The following WDR37 variants were observed in gnomAD, a reference collection of about 807,000 sequenced individuals.
WDR37 encodes WD repeat domain 37, also known as WD repeat-containing protein 37.
Under a neutral mutation model 62.9 loss-of-function variants are expected in WDR37, and 19 were observed. The ratio of observed to expected loss-of-function variants is 0.30; its 90% CI spans 0.21 to 0.44. The LOEUF is 0.44. Ranked by LOEUF, WDR37 falls within the 20% of genes least tolerant of loss-of-function variation. The pLI is 1.00. For missense variants in WDR37, 474 were observed against 657.6 expected, an observed-to-expected ratio of 0.72 and a Z score of 3.05; for synonymous variants, 250 against 260.9, an observed-to-expected ratio of 0.96 and a Z score of 0.40.
intron 7 of WDR37, among the ~76,000 whole-genome samples, chr10:1,091,776 C>G (rs1937156758): frequency 6.6e-6 from 1 of 152,206 alleles, no homozygotes; most frequent in Admixed American, 6.5e-5. Flanking sequence ...TCAATGCTGG[C>G]ATTTATGTGC....
chr10:1,111,547 A>G (rs571904535), intron 11 of WDR37, among the ~76,000 whole-genome samples: 58 of 152,274 alleles, frequency 3.8e-4, no homozygotes, highest in Middle Eastern at 3.4e-3. Context: ...CTGGATGGGG[A>G]TGGAGCTCCG....
At chr10:1,096,529 C>T (rs189383573) in intron 9 of WDR37, 70 of 431,306 alleles carry the variant, frequency 1.6e-4, no homozygotes, top group African/African-American at 7.8e-4. Flanking sequence ...AGCCAGAGGG[C>T]GGCCGTCTTT....
intron 8 of WDR37, among the ~76,000 whole-genome samples, chr10:1,093,898 T>C (rs1009038988): frequency 2.0e-5 from 3 of 152,244 alleles, no homozygotes; most frequent in Non-Finnish European, 2.9e-5. Flanking sequence ...AAGTTGCCAA[T>C]GTCAGCATTT....
intron 11 of WDR37, among the ~76,000 whole-genome samples, chr10:1,115,619 T>A (rs1835365513): frequency 6.6e-6 from 1 of 152,262 alleles, no homozygotes; most frequent in Non-Finnish European, 1.5e-5. Flanking sequence ...TTGGTCACAG[T>A]CAGCATGCAG....
rs575211379 is a variant in WDR37, at chr10:1,124,290, C to T, written c.1176C>T (p.Val392=). 137 of 1,614,196 alleles carry T rather than the reference C, an allele frequency of 8.5e-5. No individual in the cohort carries two copies. The highest frequency in any genetic ancestry group is 1.9e-4 in the South Asian group (17 of 91,088). Residue 392 remains valine (V), a synonymous_variant, in exon 12 of 14, where the codon GTC becomes GTT. Coordinates refer to ENST00000263150, the MANE Select transcript of WDR37 (RefSeq NM_014023.4). Reference sequence around the variant, plus strand: ...GCAGCGATGACCGCACGGTGAAAGTCTGGGACTTGAAAAATATGAGATCCC... The same window carrying T: ...GCAGCGATGACCGCACGGTGAAAGTTTGGGACTTGAAAAATATGAGATCCC... ...VSGSDDRTVK[V]WDLKNMRSPI...
rs760759863 is a variant in WDR37 at position 1,096,162 on chromosome 10, C to T, written c.650-8C>T. On this transcript the variant is annotated splice_polypyrimidine_tract_variant and splice_region_variant and intron_variant, in intron 8 of 13. Transcript: ENST00000263150. ...CCTTGGGTAATTTTCCCCGATTTCT[C>T]TCTTCAGCTTCTGGAGATCAGACTG... 18 of 1,613,968 alleles carry T rather than the reference C, an allele frequency of 1.1e-5. No individual in the cohort carries two copies. The highest frequency in any genetic ancestry group is 2.2e-5 in the East Asian group (1 of 44,894).
At chr10:1,069,323 T>C (rs1236880598) in intron 1 of WDR37, among the ~76,000 whole-genome samples, 1 of 146,930 alleles carries the variant, frequency 6.8e-6, no homozygotes, top group Non-Finnish European at 1.5e-5. Flanking sequence ...ACCCTGTATA[T>C]TATTGTTCAT....
chr10:1,107,060 G>A (rs1429251736), intron 11 of WDR37, among the ~76,000 whole-genome samples: 1 of 152,180 alleles, frequency 6.6e-6, no homozygotes, highest in Non-Finnish European at 1.5e-5. Flanking sequence ...GCTGAACGCA[G>A]CACTGTGTTG....
chr10:1,105,175 C>T lies in WDR37; in HGVS notation c.1011C>T (p.Leu337=), dbSNP rs936720148. 10 of 1,614,116 alleles carry T rather than the reference C, an allele frequency of 6.2e-6. No homozygotes were observed. The East Asian group carries it at 1.6e-4, about 25-fold the overall frequency. Residue 337 remains leucine, a synonymous_variant, in exon 11 of 14, where the codon CTC becomes CTT. Coordinates refer to ENST00000263150, the MANE Select transcript of WDR37 (RefSeq NM_014023.4). The surrounding 1 kb of genome is among the most constrained non-coding windows in gnomAD (Gnocchi z 5.3). ...GCTGCACACACCCCACCCAGCGGCT[C>T]GTGGTGACCTCCTCCCGTGACACGA... The part of the protein sequence containing the change: ...THCCTHPTQR[L]VVTSSRDTTF...
intron 11 of WDR37, among the ~76,000 whole-genome samples, chr10:1,111,899 C>T (rs1382001343): frequency 1.4e-5 from 2 of 148,012 alleles, no homozygotes; most frequent in Non-Finnish European, 3.0e-5. Context: ...CTATTTCTCT[C>T]TCTCTCTTTT....
chr10:1,116,294 A>G (rs1195988272), intron 11 of WDR37, among the ~76,000 whole-genome samples: 1 of 141,754 alleles, frequency 7.1e-6, no homozygotes, highest in African/African-American at 2.7e-5. Flanking sequence ...GGTCTCTGCC[A>G]TGTCTCTCAG....
chr10:1,059,680 C>G (rs1833311026), intron 1 of WDR37, among the ~76,000 whole-genome samples: 1 of 151,768 alleles, frequency 6.6e-6, no homozygotes, highest in Admixed American at 6.6e-5. Context: ...TGCTTGTAAC[C>G]CCAACTACTC....
intron 1 of WDR37, among the ~76,000 whole-genome samples, chr10:1,064,039 T>C (rs1223603358): frequency 6.6e-6 from 1 of 152,182 alleles, no homozygotes; most frequent in Non-Finnish European, 1.5e-5. Context: ...AAAGCAGCGA[T>C]TGTAGAAATG....
chr10:1,087,183 A>C (rs1834229963), intron 7 of WDR37, among the ~76,000 whole-genome samples: 1 of 151,994 alleles, frequency 6.6e-6, no homozygotes, highest in African/African-American at 2.4e-5. Context: ...ATTTCCCCTT[A>C]GTGTGTAGAC....
At chr10:1,068,492 G>T (rs760400775) in intron 1 of WDR37, among the ~76,000 whole-genome samples, 11 of 151,938 alleles carry the variant, frequency 7.2e-5, no homozygotes, top group African/African-American at 2.7e-4. Context: ...TACTGGGGTG[G>T]TGGACACCCT....
chr10:1,066,340 A>T lies in WDR37; in HGVS notation c.-40-5776A>T, dbSNP rs201266334. Among the ~76,000 whole-genome samples, 719 of 152,290 alleles carry T rather than the reference A, an allele frequency of 4.7e-3. 9 individuals carry two copies. Among genetic ancestry groups the T allele is most frequent in the East Asian group, 0.028 (144 of 5,168 alleles). On this transcript the variant is annotated intron_variant, in intron 1 of 13. Transcript: ENST00000263150. ...ACCGTGTTAGCTAGGATGGTCTCGA[A>T]GTCCTGACCTTGTGATCCGTCCACC...
rs368431614 is a variant in WDR37, at chr10:1,067,412, G to T, written c.-40-4704G>T. 4.3e-4 allele frequency among the ~76,000 whole-genome samples: 66 copies of T among 152,310 alleles called. 1 individual carries two copies. The South Asian group carries it at 8.7e-3, about 20-fold the overall frequency. On this transcript the variant is annotated intron_variant, in intron 1 of 13. Transcript: ENST00000263150. ...AAAAGTTCTTGTCATGACTTTAAAAGTGTGATGCATAGAAAAAATTATCAA... is the reference window on the plus strand; with the variant it reads ...AAAAGTTCTTGTCATGACTTTAAAATTGTGATGCATAGAAAAAATTATCAA...
intron 9 of WDR37, among the ~76,000 whole-genome samples, chr10:1,102,319 C>T (rs1175112874): frequency 6.6e-6 from 1 of 151,912 alleles, no homozygotes; most frequent in South Asian, 2.1e-4. Flanking sequence ...TGCTGCTGTG[C>T]GTCCCTGTGA....
chr10:1,060,678 A>G (rs934155651), intron 1 of WDR37, among the ~76,000 whole-genome samples: 3 of 152,232 alleles, frequency 2.0e-5, no homozygotes, highest in African/African-American at 7.2e-5. Flanking sequence ...TTACAGTTCT[A>G]TAATCAGTTT....
Sources: allele counts gnomAD v4.1 joint callset (sites outside exome capture counted in the v4.1 genomes callset), GRCh38; gene constraint gnomAD v4.1.1; non-coding constraint Gnocchi (gnomAD v3.1); transcripts MANE v1.5; gene names NCBI Gene and HGNC (gene_info 2026-07-23, HGNC 2026-07-21).